Variants in ZNF385D observed in about 807,000 individuals in gnomAD.
The protein encoded by ZNF385D is zinc finger protein 659.
In ZNF385D, 15 loss-of-function variants were observed where a neutral mutation model predicts 35.8. The observed-to-expected ratio is 0.42, with a 90% confidence interval of 0.28 to 0.64. The LOEUF is 0.64. ZNF385D is among the 30% of genes least tolerant of loss of function. ZNF385D has a pLI of 0.23. For synonymous variants in ZNF385D, 212 were observed against 186.8 expected (o/e 1.13, Z -1.10); for missense variants, 474 against 494.6 (o/e 0.96, Z 0.39).
In ZNF385D at chr3:21,751,155, T is replaced by C. The variant is rs2070061141; in HGVS notation, c.-239A>G. The stretch of plus-strand genomic sequence containing the variant: ...GGCTGCCTGCTGCACTGCCCATCCT[T>C]ACTGTAATCCGACTCCTCCTTGCGA... On this transcript the variant is annotated 5_prime_UTR_variant, in exon 1 of 8. Coordinates refer to ENST00000281523, the MANE Select transcript of ZNF385D (RefSeq NM_024697.3). 7.0e-7 allele frequency: 1 copy of C among 1,427,180 alleles called. No homozygotes were observed. The highest frequency in any genetic ancestry group is 2.6e-5 in the East Asian group (1 of 38,354). The allele number at this position is 1,427,180 out of a possible 1,614,324, so 88.4% of individuals were successfully genotyped here.
chr3:21,464,835 A>G (rs959652855), intron 4 of ZNF385D, among the ~76,000 whole-genome samples: 1 of 152,098 alleles, frequency 6.6e-6, no homozygotes, highest in Non-Finnish European at 1.5e-5. Context: ...TGCGTAGCCT[A>G]TTAAATATTT....
intron 2 of ZNF385D, among the ~76,000 whole-genome samples, chr3:22,322,227 A>T (rs1694471884): frequency 6.6e-6 from 1 of 152,196 alleles, no homozygotes; most frequent in Non-Finnish European, 1.5e-5. Flanking sequence ...CCTAACATGT[A>T]GTACCTGTTG....
At chr3:21,774,943 A>C (rs1211245783) in intron 3 of ZNF385D, among the ~76,000 whole-genome samples, 1 of 151,954 alleles carries the variant, frequency 6.6e-6, no homozygotes, top group Non-Finnish European at 1.5e-5. Context: ...GGTAAAAACC[A>C]ACTGGCTTTC....
intron 4 of ZNF385D, 115 bp from the exon 5 acceptor site, chr3:21,437,318 T>C: frequency 2.0e-6 from 2 of 995,712 alleles, no homozygotes; most frequent in East Asian, 2.6e-5. Flanking sequence ...CAGCTAGCAA[T>C]TGCTGTTTGT....
At chr3:21,797,290 G>A (rs950746250) in intron 3 of ZNF385D, among the ~76,000 whole-genome samples, 11 of 152,162 alleles carry the variant, frequency 7.2e-5, no homozygotes, top group African/African-American at 2.7e-4. Flanking sequence ...TGAGATGGAT[G>A]TCACTACACA....
intron 2 of ZNF385D, among the ~76,000 whole-genome samples, chr3:22,318,521 A>C (rs1704026325): frequency 6.6e-6 from 1 of 152,160 alleles, no homozygotes; most frequent in Non-Finnish European, 1.5e-5. Flanking sequence ...ATTTGAGTAC[A>C]AATGTTTCTG....
At chr3:22,145,769 A>C (rs1032973874) in intron 3 of ZNF385D, among the ~76,000 whole-genome samples, 1 of 152,186 alleles carries the variant, frequency 6.6e-6, no homozygotes, top group Non-Finnish European at 1.5e-5. Flanking sequence ...GATGCTTCAG[A>C]GAGTAGAGAG....
intron 2 of ZNF385D, among the ~76,000 whole-genome samples, chr3:22,307,273 A>G (rs1050582386): frequency 1.3e-5 from 2 of 152,152 alleles, no homozygotes; most frequent in African/African-American, 2.4e-5. Context: ...AGGAATGAAG[A>G]TAAGTCTGCA....
At chr3:22,146,868 C>T (rs1046609726) in intron 3 of ZNF385D, among the ~76,000 whole-genome samples, 1 of 152,112 alleles carries the variant, frequency 6.6e-6, no homozygotes, top group Non-Finnish European at 1.5e-5. Context: ...TAAAATTTCT[C>T]CTAAGTTCTG....
intron 2 of ZNF385D, among the ~76,000 whole-genome samples, chr3:21,570,884 T>A (rs1159193348): frequency 6.6e-6 from 1 of 152,198 alleles, no homozygotes; most frequent in Non-Finnish European, 1.5e-5. Context: ...TTTATTACAT[T>A]GACTTTGACT....
chr3:21,704,508 T>TTTTA lies in ZNF385D; in HGVS notation c.23-39484_23-39481dup, dbSNP rs528009530. On this transcript the variant is annotated intron_variant, in intron 1 of 7. Coordinates refer to ENST00000281523, the MANE Select transcript of ZNF385D (RefSeq NM_024697.3). ...ATCTGATATTATTTATTTTATTTTATTTTATTTATTTATTTATTGAGACAA... is the reference window on the plus strand; with the variant it reads ...ATCTGATATTATTTATTTTATTTTATTTTATTTATTTATTTATTTATTGAGACAA... Among the ~76,000 whole-genome samples, 547 of 152,050 alleles carry TTTTA rather than the reference T, an allele frequency of 3.6e-3. 4 individuals are homozygous for TTTTA. The highest frequency in any genetic ancestry group is 0.012 in the African/African-American group (512 of 41,428).
intron 2 of ZNF385D, among the ~76,000 whole-genome samples, chr3:21,606,131 CAT>C (rs2064475173): frequency 6.6e-6 from 1 of 152,138 alleles, no homozygotes; most frequent in Non-Finnish European, 1.5e-5. Flanking sequence ...AGTCAGAGAA[CAT>C]ATTCTCCAAA....
At chr3:22,233,918 C>G (rs940250676) in intron 2 of ZNF385D, among the ~76,000 whole-genome samples, 16 of 152,202 alleles carry the variant, frequency 1.1e-4, no homozygotes, top group African/African-American at 3.9e-4. Context: ...TTTAATCATT[C>G]TTTCCTTTGT....
At chr3:22,215,868 ATT>A (rs1697845078) in intron 2 of ZNF385D, among the ~76,000 whole-genome samples, 1 of 151,770 alleles carries the variant, frequency 6.6e-6, no homozygotes, top group African/African-American at 2.4e-5. Flanking sequence ...CAGCTTTACA[ATT>A]TCTCTCTTTT....
chr3:21,751,199 G>A lies in ZNF385D; in HGVS notation c.-283C>T. On this transcript the variant is annotated 5_prime_UTR_variant, in exon 1 of 8. Transcript: ENST00000281523. ...CTTGCGATGTCCTTGCCGCGCCTGT[G>A]ACATCAGGACTGAGAGTACTACAAG... The A allele has an allele frequency of 1.5e-6, 2 of 1,356,564 alleles. No individual in the cohort carries two copies. Among genetic ancestry groups the A allele is most frequent in the South Asian group, 1.5e-5 (1 of 64,734 alleles). The allele number at this position is 1,356,564 out of a possible 1,614,324, so 84.0% of individuals were successfully genotyped here.
chr3:22,203,825 A>G (rs563777855), intron 2 of ZNF385D, among the ~76,000 whole-genome samples: 7 of 152,164 alleles, frequency 4.6e-5, no homozygotes, highest in Non-Finnish European at 1.0e-4. Flanking sequence ...GCAGTAGAAT[A>G]GAGCATCAGG....
intron 3 of ZNF385D, among the ~76,000 whole-genome samples, chr3:21,937,627 TA>T (rs1417613152): frequency 6.6e-6 from 1 of 152,106 alleles, no homozygotes; most frequent in African/African-American, 2.4e-5. Context: ...TAAAAAATTT[TA>T]AAAACCTGTA....
intron 4 of ZNF385D, among the ~76,000 whole-genome samples, chr3:21,490,346 C>T (rs1705337208): frequency 6.6e-6 from 1 of 151,904 alleles, no homozygotes; most frequent in African/African-American, 2.4e-5. Context: ...TTTGCTCTTG[C>T]TGTTATTCCA....
chr3:22,171,000 T>G (rs756192347), intron 2 of ZNF385D, among the ~76,000 whole-genome samples: 2 of 152,196 alleles, frequency 1.3e-5, no homozygotes, highest in African/African-American at 2.4e-5. Context: ...AAGCACAAAC[T>G]TGACTTAGAA....
Sources: allele counts gnomAD v4.1 joint callset (sites outside exome capture counted in the v4.1 genomes callset), GRCh38; gene constraint gnomAD v4.1.1; transcripts MANE v1.5; gene names NCBI Gene and HGNC (gene_info 2026-07-23, HGNC 2026-07-21).